HIRA: variants seen among roughly 807,000 people sequenced by gnomAD.
The protein encoded by HIRA is histone cell cycle regulator.
HIRA carries 13 observed loss-of-function variants against 126.6 expected under a neutral mutation model. The ratio of observed to expected loss-of-function variants is 0.10; its 90% confidence interval spans 0.07 to 0.16. HIRA has a LOEUF of 0.16. HIRA is among the 10% of genes least tolerant of loss of function. HIRA has a pLI of 1.00. For synonymous variants in HIRA, 511 were observed against 520.0 expected (o/e 0.98, Z 0.24); for missense variants, 834 against 1,314.4 (o/e 0.63, Z 5.65).
intron 24 of HIRA, among the ~76,000 whole-genome samples, chr22:19,349,898 C>T (rs954402305): frequency 6.6e-6 from 1 of 152,208 alleles, no homozygotes; most frequent in African/African-American, 2.4e-5. Context: ...TTTCCCTCTG[C>T]CTGGATGTTC....
rs542141828 is a variant in HIRA at position 19,421,198 on chromosome 22, C to T, written c.37+10242G>A. On this transcript the variant is annotated intron_variant, in intron 1 of 24. Coordinates refer to ENST00000263208, the MANE Select transcript of HIRA (RefSeq NM_003325.4). ...CCTGTAATCCCAGCTAATCGGAAGG[C>T]TGAGGCAGGAGAATCGCTTGAACCC... Among the ~76,000 whole-genome samples, 56 of 151,762 alleles carry T rather than the reference C, an allele frequency of 3.7e-4. 1 individual carries two copies. The South Asian group carries it at 0.011, about 31-fold the overall frequency.
intron 13 of HIRA, 93 bp downstream of exon 13, chr22:19,383,527 C>T: frequency 2.0e-6 from 2 of 1,009,850 alleles, no homozygotes; most frequent in Non-Finnish European, 3.1e-6. Context: ...TTGTGAAGGA[C>T]CCGTGAAGAT....
At chr22:19,332,292 G>A (rs1399776171) in intron 24 of HIRA, among the ~76,000 whole-genome samples, 1 of 152,192 alleles carries the variant, frequency 6.6e-6, no homozygotes, top group Non-Finnish European at 1.5e-5. Flanking sequence ...GTCTAGAAGT[G>A]ACAGTAAAGA....
At chr22:19,333,338 T>C (rs1202221641) in intron 24 of HIRA, among the ~76,000 whole-genome samples, 1 of 152,094 alleles carries the variant, frequency 6.6e-6, no homozygotes, top group South Asian at 2.1e-4. Context: ...AAGAAAAAGA[T>C]ATGATTACTA....
At chr22:19,339,942 T>G (rs2088608719) in intron 24 of HIRA, among the ~76,000 whole-genome samples, 1 of 152,186 alleles carries the variant, frequency 6.6e-6, no homozygotes. Flanking sequence ...CTATTGAACA[T>G]TCAAAGAAGA....
At chr22:19,348,846 G>A (rs1601807253) in intron 24 of HIRA, among the ~76,000 whole-genome samples, 1 of 150,852 alleles carries the variant, frequency 6.6e-6, no homozygotes, top group South Asian at 2.1e-4. Context: ...GCCCAGGCTG[G>A]AGTACAATGG....
At chr22:19,353,570 G>C in intron 22 of HIRA, 51 bp from the exon 23 acceptor site, 1 of 1,517,440 alleles carries the variant, frequency 6.6e-7, no homozygotes, top group Non-Finnish European at 8.8e-7. Context: ...ACTACACAGA[G>C]TCAGGAACTG....
chr22:19,386,917 G>A (rs1264419209), intron 11 of HIRA, among the ~76,000 whole-genome samples: 1 of 152,232 alleles, frequency 6.6e-6, no homozygotes, highest in East Asian at 1.9e-4. Context: ...CATTTTAGTG[G>A]GGAGGTCACA....
intron 3 of HIRA, 123 bp from the exon 4 acceptor site, chr22:19,407,397 A>G (rs1480226424): frequency 1.4e-5 from 10 of 717,402 alleles, no homozygotes; most frequent in East Asian, 1.1e-4. Flanking sequence ...TAAGGCATCT[A>G]CTGTGTGAGA....
chr22:19,360,971 C>T (rs765507902), intron 17 of HIRA, among the ~76,000 whole-genome samples: 22 of 152,326 alleles, frequency 1.4e-4, no homozygotes, highest in Non-Finnish European at 7.3e-5. Flanking sequence ...TGAAGAGCAC[C>T]AGAACATGTG....
intron 15 of HIRA, among the ~76,000 whole-genome samples, chr22:19,372,407 C>T (rs1354560292): frequency 6.6e-6 from 1 of 152,054 alleles, no homozygotes; most frequent in Non-Finnish European, 1.5e-5. Context: ...AGATCTTTTG[C>T]TCATTTTTAA....
chr22:19,340,034 A>G (rs2088609509), intron 24 of HIRA, among the ~76,000 whole-genome samples: 2 of 152,190 alleles, frequency 1.3e-5, no homozygotes, highest in African/African-American at 4.8e-5. Context: ...AGCCAGTATC[A>G]CCCTAATACC....
chr22:19,393,787 T>G (rs2089201695), intron 8 of HIRA, among the ~76,000 whole-genome samples: 1 of 152,184 alleles, frequency 6.6e-6, no homozygotes, highest in Admixed American at 6.5e-5. Context: ...GTTGAGAAAA[T>G]CCTGGTTCTC....
Position 19,354,045 on chromosome 22 carries a change from C to T in HIRA, c.2635G>A (p.Ala879Thr), listed in dbSNP as rs782730594. 14 of 1,613,278 alleles carry T rather than the reference C, an allele frequency of 8.7e-6. No individual in the cohort carries two copies. Among genetic ancestry groups the T allele is most frequent in the Admixed American group, 1.7e-5 (1 of 59,890 alleles). Residue 879 changes from alanine to threonine, a missense_variant, in exon 22 of 25, where the codon GCC becomes ACC. Around this residue, in one of 5 missense-constraint regions of HIRA, gnomAD observed 468 missense variants for 574.2 expected, o/e 0.82. Transcript: ENST00000263208. ...DFRSSLPSQDAMLCSGPLAII... is the reference protein window; with the variant it reads ...DFRSSLPSQDTMLCSGPLAII... ...GCTAACGGTCCTGAGCACAGCATGG[C>T]GTCCTGGGATGGCAGGCTGCTCCTA... is the stretch of plus-strand genomic sequence containing the variant.
rs1213764716 is a variant in HIRA at position 19,357,048 on chromosome 22, G to A, written c.2238C>T (p.Asp746=). Residue 746 remains aspartate, a synonymous_variant, in exon 19 of 25, where the codon GAC becomes GAT. Coordinates refer to ENST00000263208, the MANE Select transcript of HIRA (RefSeq NM_003325.4). ...SRILTAAGSC[D]VVCVACEKRM... ...TTTTTTCACAGGCGACACACACCAC[G>A]TCACTGAGAAGGCAGAGTGGGGGCA... 13 of 1,613,834 alleles carry A rather than the reference G, an allele frequency of 8.1e-6. No homozygotes were observed. Among genetic ancestry groups the A allele is most frequent in the Middle Eastern group, 1.6e-4 (1 of 6,084 alleles).
chr22:19,331,287 C>T lies in HIRA; in HGVS notation c.*153G>A. On this transcript the variant is annotated 3_prime_UTR_variant, in exon 25 of 25. Coordinates refer to ENST00000263208, the MANE Select transcript of HIRA (RefSeq NM_003325.4). ...GACCCAGGACACAGGGCACATCTGC[C>T]CAGGGAGCTGGGCTGGCGCTGGTGC... is the stretch of plus-strand genomic sequence containing the variant. 6.4e-7 allele frequency: 1 copy of T among 1,568,854 alleles called. No homozygotes were observed. Among genetic ancestry groups the T allele is most frequent in the South Asian group, 1.1e-5 (1 of 87,902 alleles).
chr22:19,345,771 A>G (rs553048236), intron 24 of HIRA, among the ~76,000 whole-genome samples: 3 of 152,308 alleles, frequency 2.0e-5, no homozygotes, highest in African/African-American at 7.2e-5. Context: ...GCTTCCTAAG[A>G]ACAGGGCCTG....
At chr22:19,353,795 C>A (rs1293610061) in intron 22 of HIRA, among the ~76,000 whole-genome samples, 1 of 152,200 alleles carries the variant, frequency 6.6e-6, no homozygotes, top group Non-Finnish European at 1.5e-5. Flanking sequence ...TGCCCCCAAC[C>A]CCAAGATATT....
At chr22:19,426,714 T>C (rs1321555830) in intron 1 of HIRA, among the ~76,000 whole-genome samples, 1 of 152,210 alleles carries the variant, frequency 6.6e-6, no homozygotes, top group Non-Finnish European at 1.5e-5. Context: ...GTTTGTTGCA[T>C]AAATCAGTGA....
Sources: gnomAD v4.1 joint callset for allele counts (sites outside exome capture counted in the v4.1 genomes callset) on GRCh38, gnomAD v4.1.1 for gene constraint, gnomAD v4.1.1 regional missense constraint, MANE v1.5 for transcripts, NCBI Gene and HGNC (gene_info 2026-07-23, HGNC 2026-07-21) for gene names.